The following TLL1 variants were observed in gnomAD, a reference collection of about 807,000 sequenced individuals.
The protein encoded by TLL1 is tolloid like 1.
TLL1 carries 49 observed loss-of-function variants against 128.2 expected under a neutral mutation model. The ratio of observed to expected loss-of-function variants is 0.38; its 90% CI spans 0.30 to 0.48. The LOEUF is 0.48. Ranked by LOEUF, TLL1 falls within the 20% of genes least tolerant of loss-of-function variation. The pLI, the probability that TLL1 is intolerant of heterozygous loss-of-function variation, is 0.96. For synonymous variants in TLL1, 454 were observed against 418.8 expected (o/e 1.08, Z -1.03); for missense variants, 1,123 against 1,242.0 (o/e 0.90, Z 1.44).
chr4:166,026,610 C>T (rs1738503499), intron 9 of TLL1, among the ~76,000 whole-genome samples: 1 of 152,022 alleles, frequency 6.6e-6, no homozygotes, highest in Admixed American at 6.5e-5. Context: ...TTGCTTGAAC[C>T]TAGTAGGCGG....
rs76555194 is a variant in TLL1 at position 165,979,929 on chromosome 4, G to A, written c.170-9452G>A. Among the ~76,000 whole-genome samples, 1,047 of 152,254 alleles carry A rather than the reference G, an allele frequency of 6.9e-3. 10 individuals carry two copies. Among genetic ancestry groups the A allele is most frequent in the East Asian group, 0.042 (217 of 5,162 alleles). On this transcript the variant is annotated intron_variant, in intron 1 of 20. Coordinates refer to ENST00000061240, the MANE Select transcript of TLL1 (RefSeq NM_012464.5). ...ATTTCTAAATAGAGAGGGAGAACCA[G>A]TCTTGTTGACTGACTGTATTAACAT...
At chr4:166,021,932 G>A (rs1053484723) in intron 8 of TLL1, among the ~76,000 whole-genome samples, 6 of 152,102 alleles carry the variant, frequency 3.9e-5, no homozygotes, top group Admixed American at 2.6e-4. Context: ...TTGGTGCTTC[G>A]TTTTAAAGGA....
Position 165,994,486 on chromosome 4 carries a change from T to C in TLL1, c.467T>C (p.Ile156Thr). The C allele has an allele frequency of 6.2e-7, 1 of 1,614,044 alleles. No homozygotes were observed. ...GCCGCTACATCAAGAACGGAAAGAA[T>C]ATGGCCTGGAGGCGTTATTCCTTAT... ...PRAATSRTER[I>T]WPGGVIPYVI... Residue 156 changes from isoleucine (I) to threonine (T), a missense_variant, in exon 4 of 21, where the codon ATA (isoleucine) becomes ACA (threonine). Around this residue, in one of 3 missense-constraint regions of TLL1, gnomAD observed 480 missense variants for 542.4 expected, o/e 0.89. Coordinates refer to ENST00000061240, the MANE Select transcript of TLL1 (RefSeq NM_012464.5).
chr4:166,065,906 A>T, intron 16 of TLL1, 43 bp downstream of exon 16: 1 of 1,591,226 alleles, frequency 6.3e-7, no homozygotes, highest in East Asian at 2.2e-5. Context: ...ACAGATTTTC[A>T]ATGTGGGTTG....
chr4:165,903,711 G>A (rs1732113335), intron 1 of TLL1, among the ~76,000 whole-genome samples: 1 of 149,936 alleles, frequency 6.7e-6, no homozygotes. Flanking sequence ...GCGCCCAGCA[G>A]AGGTTAGATC....
At chr4:165,986,139 A>G (rs1736384554) in intron 1 of TLL1, among the ~76,000 whole-genome samples, 1 of 152,012 alleles carries the variant, frequency 6.6e-6, no homozygotes, top group African/African-American at 2.4e-5. Flanking sequence ...AATAAATAGA[A>G]AATACCACAT....
At chr4:165,931,799 A>C (rs1733542907) in intron 1 of TLL1, among the ~76,000 whole-genome samples, 1 of 152,170 alleles carries the variant, frequency 6.6e-6, no homozygotes, top group South Asian at 2.1e-4. Context: ...TCATTTCACG[A>C]TACCACACTT....
chr4:166,073,876 C>T (rs1038359588), intron 16 of TLL1, among the ~76,000 whole-genome samples: 1 of 151,948 alleles, frequency 6.6e-6, no homozygotes, highest in African/African-American at 2.4e-5. Context: ...CTGAGAGTAA[C>T]AATTTGAATT....
intron 6 of TLL1, among the ~76,000 whole-genome samples, chr4:166,005,638 C>G (rs542590065): frequency 1.3e-5 from 2 of 151,944 alleles, no homozygotes; most frequent in South Asian, 4.2e-4. Context: ...TCCTATATAC[C>G]ACTAGGAGGG....
At chr4:165,928,624 T>C (rs1733376620) in intron 1 of TLL1, among the ~76,000 whole-genome samples, 1 of 152,216 alleles carries the variant, frequency 6.6e-6, no homozygotes, top group Non-Finnish European at 1.5e-5. Context: ...AAAATATTCT[T>C]TTTGTATTGC....
At chr4:166,005,005 G>A (rs906131132) in intron 6 of TLL1, among the ~76,000 whole-genome samples, 4 of 151,958 alleles carry the variant, frequency 2.6e-5, no homozygotes, top group African/African-American at 4.8e-5. Flanking sequence ...GTAGGTATGA[G>A]AGGTGACTAA....
At chr4:166,021,193 G>T (rs1738212794) in intron 8 of TLL1, among the ~76,000 whole-genome samples, 1 of 151,752 alleles carries the variant, frequency 6.6e-6, no homozygotes, top group Non-Finnish European at 1.5e-5. Flanking sequence ...TTGTATATGT[G>T]ATTCTTGGCT....
At chr4:165,959,961 G>A (rs1735015126) in intron 1 of TLL1, among the ~76,000 whole-genome samples, 1 of 151,832 alleles carries the variant, frequency 6.6e-6, no homozygotes, top group Non-Finnish European at 1.5e-5. Flanking sequence ...TAACCCGAAA[G>A]GTAACAGAAG....
chr4:165,998,789 T>C (rs1017615665), intron 5 of TLL1, among the ~76,000 whole-genome samples: 4 of 150,764 alleles, frequency 2.7e-5, no homozygotes, highest in African/African-American at 9.8e-5. Flanking sequence ...AGAGCAAGAC[T>C]CTGTCTTCAA....
chr4:166,065,595 T>C, intron 15 of TLL1, 88 bp from the exon 16 acceptor site: 1 of 1,456,088 alleles, frequency 6.9e-7, no homozygotes, highest in Non-Finnish European at 9.5e-7. Context: ...AAGAGTAAAA[T>C]GGGAAAAATA....
chr4:166,049,546 A>G lies in TLL1; in HGVS notation c.1525-5530A>G, dbSNP rs1226964062. Among the ~76,000 whole-genome samples the G allele has an allele frequency of 2.0e-5, 3 of 152,100 alleles. No individual in the cohort carries two copies. In the East Asian group the frequency reaches 5.8e-4, roughly 29 times the overall value. On this transcript the variant is annotated intron_variant, in intron 12 of 20. Coordinates refer to ENST00000061240, the MANE Select transcript of TLL1 (RefSeq NM_012464.5). ...ACTTGAATCATGAAGAAAAAAATGA[A>G]GTGGCAGCAGTTAAATCATTCACAT...
intron 9 of TLL1, among the ~76,000 whole-genome samples, chr4:166,028,463 A>G (rs112613187): frequency 0.01 from 1,588 of 152,130 alleles, 31 homozygotes; most frequent in African/African-American, 0.034. Flanking sequence ...AGTATTCATA[A>G]GACTAATCTT....
At chr4:166,096,213 G>GTGTT (rs1431394334) in intron 19 of TLL1, among the ~76,000 whole-genome samples, 2 of 93,230 alleles carry the variant, frequency 2.1e-5, no homozygotes, top group African/African-American at 7.4e-5. Flanking sequence ...TGTCATGGGT[G>GTGTT]TGTGTGTGTG....
chr4:165,940,622 A>C (rs549504613), intron 1 of TLL1, among the ~76,000 whole-genome samples: 1 of 152,140 alleles, frequency 6.6e-6, no homozygotes, highest in Non-Finnish European at 1.5e-5. Context: ...TTGTTCAAAA[A>C]AATGTTTCTC....
Sources: allele counts gnomAD v4.1 joint callset (sites outside exome capture counted in the v4.1 genomes callset), GRCh38; gene constraint gnomAD v4.1.1; regional missense constraint gnomAD v4.1.1; transcripts MANE v1.5; gene names NCBI Gene and HGNC (gene_info 2026-07-23, HGNC 2026-07-21).